The following GANC variants were observed in gnomAD, a reference collection of about 807,000 sequenced individuals.
The protein encoded by GANC is neutral alpha-glucosidase C.
A neutral mutation model predicts 124.2 loss-of-function variants in GANC; 117 were observed. The ratio of observed to expected loss-of-function variants is 0.94; its 90% CI spans 0.81 to 1.10. The LOEUF is 1.10. Ranked by LOEUF, GANC falls within the 50% of genes least tolerant of loss-of-function variation. GANC has a pLI of 0.00. For synonymous variants in GANC, 377 were observed against 376.8 expected, an observed-to-expected ratio of 1.00 and a Z score of -0.01; for missense variants, 1,140 against 1,095.0, an observed-to-expected ratio of 1.04 and a Z score of -0.58.
At chr15:42,302,955 C>T (rs2051960586) in intron 6 of GANC, among the ~76,000 whole-genome samples, 2 of 152,176 alleles carry the variant, frequency 1.3e-5, no homozygotes, top group African/African-American at 4.8e-5. Context: ...AGGAGAATTT[C>T]CCCAACATGG....
At chr15:42,327,293 C>T in intron 12 of GANC, 70 bp from the exon 13 acceptor site, 2 of 1,190,366 alleles carry the variant, frequency 1.7e-6, no homozygotes, top group East Asian at 2.5e-5. Flanking sequence ...CATCTGATAC[C>T]TTCTTTACAA....
At chr15:42,286,528 A>G (rs2051790684) in intron 3 of GANC, among the ~76,000 whole-genome samples, 1 of 152,244 alleles carries the variant, frequency 6.6e-6, no homozygotes, top group Non-Finnish European at 1.5e-5. Context: ...TTAAATACAT[A>G]AAAGAACATT....
At chr15:42,338,546 T>G in intron 16 of GANC, 56 bp downstream of exon 16, 1 of 1,241,168 alleles carries the variant, frequency 8.1e-7, no homozygotes, top group Non-Finnish European at 1.2e-6. Flanking sequence ...GAGGGTGTTT[T>G]CATCAAAGCT....
At chr15:42,291,972 T>C (rs2051845238) in intron 4 of GANC, among the ~76,000 whole-genome samples, 1 of 152,160 alleles carries the variant, frequency 6.6e-6, no homozygotes, top group South Asian at 2.1e-4. Flanking sequence ...AAAGACATCA[T>C]AAGAACATAA....
intron 6 of GANC, among the ~76,000 whole-genome samples, chr15:42,298,989 A>G (rs2051918571): frequency 2.0e-5 from 3 of 152,218 alleles, no homozygotes; most frequent in Admixed American, 2.0e-4. Flanking sequence ...TTCTAAATAT[A>G]AAATCATGTC....
chr15:42,352,885 T>C lies in GANC; in HGVS notation c.*746T>C, dbSNP rs1297213636. 2.9e-5 allele frequency: 14 copies of C among 480,114 alleles called. No homozygotes were observed. Among genetic ancestry groups the C allele is most frequent in the Non-Finnish European group, 3.3e-5 (12 of 368,248 alleles). The allele number at this position is 480,114 out of a possible 1,614,324, so 29.7% of individuals were successfully genotyped here. A position where few individuals can be genotyped will look rare whatever the true frequency, so the allele number is the denominator to read the frequency against. ...TGTACCCACCACTGGACTTCAGAAG[T>C]AGAACTCATGACTGGGACTAGGATG... is the stretch of plus-strand genomic sequence containing the variant. On this transcript the variant is annotated 3_prime_UTR_variant, in exon 24 of 24. Coordinates refer to ENST00000318010, the MANE Select transcript of GANC (RefSeq NM_198141.3).
At chr15:42,316,600 A>G (rs2052105754) in intron 10 of GANC, among the ~76,000 whole-genome samples, 2 of 152,238 alleles carry the variant, frequency 1.3e-5, no homozygotes, top group South Asian at 4.1e-4. Context: ...AACTTAAAAG[A>G]GAAACATGAA....
In GANC at chr15:42,278,568, A is replaced by G. The variant is rs766415759; in HGVS notation, c.179A>G (p.Gln60Arg). Reference protein sequence around the residue: ...VTTDEDSTRFQIINEASKVPL... With the variant: ...VTTDEDSTRFRIINEASKVPL... ...ACAGATGAAGACAGCACCAGGTTCC[A>G]AATCATCAATGAAGCAAGTAAGGTG... Residue 60 changes from glutamine to arginine, a missense_variant, in exon 3 of 24, where the codon CAA (glutamine) becomes CGA (arginine). Physicochemically the swap from Gln to Arg is conservative, Grantham distance 43. Coordinates refer to ENST00000318010, the MANE Select transcript of GANC (RefSeq NM_198141.3). 2 of 1,611,452 alleles carry G rather than the reference A, an allele frequency of 1.2e-6. No individual in the cohort carries two copies. Among genetic ancestry groups the G allele is most frequent in the African/African-American group, 2.7e-5 (2 of 74,836 alleles).
At chr15:42,324,869 T>G (rs146424059) in intron 11 of GANC, among the ~76,000 whole-genome samples, 38 of 152,240 alleles carry the variant, frequency 2.5e-4, no homozygotes, top group African/African-American at 9.1e-4. Context: ...TTCTGGAGAT[T>G]GACTACACAA....
At chr15:42,305,573 G>A (rs4494504) in intron 6 of GANC, among the ~76,000 whole-genome samples, 9 of 152,040 alleles carry the variant, frequency 5.9e-5, no homozygotes, top group African/African-American at 1.9e-4. Flanking sequence ...AAATACCATC[G>A]GACCCAGCCA....
At chr15:42,329,824 T>C (rs1224857818) in intron 14 of GANC, among the ~76,000 whole-genome samples, 1 of 152,238 alleles carries the variant, frequency 6.6e-6, no homozygotes, top group Non-Finnish European at 1.5e-5. Context: ...ATTTCACAGA[T>C]ATCTAAATAC....
intron 5 of GANC, among the ~76,000 whole-genome samples, chr15:42,294,206 AC>A (rs1194522348): frequency 1.3e-5 from 2 of 151,406 alleles, no homozygotes; most frequent in African/African-American, 4.9e-5. Context: ...ATATTAATAC[AC>A]ATTTCTATGT....
rs542186147 is a variant in GANC, at chr15:42,317,649, A to G, written c.1058-4136A>G. On this transcript the variant is annotated intron_variant, in intron 10 of 23. Transcript: ENST00000318010. ...ATTTTAGATGGGTAAATTGCATGGT[A>G]CGTGAATTCAGTAAAGCTGTTAAAA... Among the ~76,000 whole-genome samples, 9 of 127,940 alleles carry G rather than the reference A, an allele frequency of 7.0e-5. No individual in the cohort carries two copies. In the Admixed American group the frequency reaches 7.9e-4, roughly 11 times the overall value. 83.9% of individuals were successfully genotyped at this position (127,940 alleles called of 152,430 possible). A position where few individuals can be genotyped will look rare whatever the true frequency, so the allele number is the denominator to read the frequency against.
At chr15:42,323,686 A>T (rs1053128715) in intron 11 of GANC, among the ~76,000 whole-genome samples, 6 of 152,074 alleles carry the variant, frequency 3.9e-5, no homozygotes, top group African/African-American at 1.4e-4. Flanking sequence ...TATTTTTAGT[A>T]GAGATGGGGT....
At chr15:42,330,839 G>T (rs771338204) in intron 15 of GANC, among the ~76,000 whole-genome samples, 167 bp downstream of exon 15, 1 of 142,972 alleles carries the variant, frequency 7.0e-6, no homozygotes, top group Non-Finnish European at 1.5e-5. Flanking sequence ...CCAGGCTGGA[G>T]TGCAGTGGCA....
At chr15:42,280,791 C>G (rs564263337) in intron 3 of GANC, 1 of 607,990 alleles carries the variant, frequency 1.6e-6, no homozygotes, top group African/African-American at 1.9e-5. Flanking sequence ...AGTGGTGAGC[C>G]GAAATGAAAA....
chr15:42,312,537 A>G (rs2141047332), intron 10 of GANC, among the ~76,000 whole-genome samples: 1 of 152,354 alleles, frequency 6.6e-6, no homozygotes, highest in South Asian at 2.1e-4. Flanking sequence ...TTCTACAATT[A>G]AACTTCTTTC....
chr15:42,313,237 A>G (rs970936268), intron 10 of GANC, among the ~76,000 whole-genome samples: 1 of 23,132 alleles, frequency 4.3e-5, no homozygotes, highest in African/African-American at 4.8e-5. Flanking sequence ...TGTGTATCAT[A>G]TACAAAAAAA....
At chr15:42,322,903 T>G (rs1260077088) in intron 11 of GANC, among the ~76,000 whole-genome samples, 1 of 152,186 alleles carries the variant, frequency 6.6e-6, no homozygotes, top group East Asian at 1.9e-4. Flanking sequence ...GTGTATCATG[T>G]GAGTGAATAA....
Sources: allele counts gnomAD v4.1 joint callset (sites outside exome capture counted in the v4.1 genomes callset), GRCh38; gene constraint gnomAD v4.1.1; transcripts MANE v1.5; gene names NCBI Gene and HGNC (gene_info 2026-07-23, HGNC 2026-07-21).